AFG2A: variants seen among roughly 807,000 people sequenced by gnomAD.
AFG2A encodes the protein ATPase family gene 2 protein homolog A.
the AFG2A span, among the ~76,000 whole-genome samples, chr4:123,085,898 G>C: frequency 2.6e-5 from 4 of 151,690 alleles, no homozygotes; most frequent in South Asian, 8.3e-4. Context: ...GTTACCCTAA[G>C]TTTTGCAATA....
At chr4:123,310,598 A>G in the AFG2A span, among the ~76,000 whole-genome samples, 1 of 152,156 alleles carries the variant, frequency 6.6e-6, no homozygotes, top group Non-Finnish European at 1.5e-5. Flanking sequence ...TTTACCTTAC[A>G]TGCATCCACT....
chr4:123,316,631 C>T, the AFG2A span: 2 of 152,130 alleles, frequency 1.3e-5, no homozygotes, highest in African/African-American at 4.8e-5. Flanking sequence ...TGAAAGAAAT[C>T]TCATTCCCAA....
chr4:123,207,061 A>G, the AFG2A span, among the ~76,000 whole-genome samples: 1 of 152,276 alleles, frequency 6.6e-6, no homozygotes, highest in South Asian at 2.1e-4. Flanking sequence ...GAAGCAATGA[A>G]TCTTTTAATT....
chr4:123,236,685 G>A, the AFG2A span, among the ~76,000 whole-genome samples: 1,498 of 152,236 alleles, frequency 9.8e-3, 23 homozygotes, highest in African/African-American at 0.034. Context: ...GACTGTCCAC[G>A]TTCACCTATG....
chr4:123,035,093 C>T, the AFG2A span, among the ~76,000 whole-genome samples: 1,641 of 152,314 alleles, frequency 0.011, 13 homozygotes, highest in Middle Eastern at 0.072. Flanking sequence ...TTGCCTGTTT[C>T]ACTGCACTTC....
the AFG2A span, among the ~76,000 whole-genome samples, chr4:123,049,823 G>A: frequency 0.012 from 1,840 of 151,650 alleles, 42 homozygotes; most frequent in African/African-American, 0.041. Context: ...ATTTATTTCT[G>A]CTCTTTATTA....
At chr4:123,062,933 A>G in the AFG2A span, among the ~76,000 whole-genome samples, 1 of 152,328 alleles carries the variant, frequency 6.6e-6, no homozygotes, top group East Asian at 1.9e-4. Context: ...CATTCAAGGA[A>G]ATAGAGTGCT....
chr4:122,927,367 TAGAGACTCAGAAAA>T, the AFG2A span, among the ~76,000 whole-genome samples: 1 of 152,128 alleles, frequency 6.6e-6, no homozygotes, highest in African/African-American at 2.4e-5. Flanking sequence ...TTAATGAAAT[TAGAGACTCAGAAAA>T]AAAGAAACCA....
At chr4:122,939,103 G>C in the AFG2A span, among the ~76,000 whole-genome samples, 2 of 57,564 alleles carry the variant, frequency 3.5e-5, no homozygotes, top group Non-Finnish European at 6.8e-5. Flanking sequence ...TTTTTTTTTG[G>C]AGACAGAGTT....
At chr4:123,031,146 T>C in the AFG2A span, among the ~76,000 whole-genome samples, 1 of 152,156 alleles carries the variant, frequency 6.6e-6, no homozygotes, top group African/African-American at 2.4e-5. Flanking sequence ...AGTTGGGAAT[T>C]CATACTCTGT....
chr4:123,128,961 G>T, the AFG2A span, among the ~76,000 whole-genome samples: 1 of 152,110 alleles, frequency 6.6e-6, no homozygotes, highest in Non-Finnish European at 1.5e-5. Flanking sequence ...CTTTAGAAAA[G>T]TATTATATGC....
chr4:123,150,337 C>G, the AFG2A span, among the ~76,000 whole-genome samples: 1 of 152,196 alleles, frequency 6.6e-6, no homozygotes, highest in African/African-American at 2.4e-5. Flanking sequence ...GTCAAATTGT[C>G]TCTGTTTGCA....
chr4:123,167,493 G>GC, the AFG2A span, among the ~76,000 whole-genome samples: 1 of 151,808 alleles, frequency 6.6e-6, no homozygotes, highest in Admixed American at 6.6e-5. Flanking sequence ...GAGTACAGGC[G>GC]CCCGCCACCA....
chr4:123,033,570 T>A, the AFG2A span, among the ~76,000 whole-genome samples: 2 of 152,116 alleles, frequency 1.3e-5, no homozygotes, highest in Admixed American at 1.3e-4. Context: ...GAAAGGGCAA[T>A]CACAGCCAAA....
At chr4:123,140,510 T>C in the AFG2A span, among the ~76,000 whole-genome samples, 1 of 150,542 alleles carries the variant, frequency 6.6e-6, no homozygotes, top group African/African-American at 2.4e-5. Flanking sequence ...TTTTTTTTTT[T>C]AAAAAAGCGA....
chr4:123,256,254 C>T, the AFG2A span: 2 of 1,544,686 alleles, frequency 1.3e-6, no homozygotes, highest in Non-Finnish European at 1.8e-6. Flanking sequence ...AAATAAATTG[C>T]TTGCCCTGAG....
At chr4:123,179,100 G>A in the AFG2A span, among the ~76,000 whole-genome samples, 1 of 152,202 alleles carries the variant, frequency 6.6e-6, no homozygotes, top group Non-Finnish European at 1.5e-5. Flanking sequence ...GGGTTATAGA[G>A]CATAGTAAGA....
At chr4:123,206,020 C>T in the AFG2A span, among the ~76,000 whole-genome samples, 84,337 of 151,902 alleles carry the variant, frequency 0.56, 26,572 homozygotes, top group Non-Finnish European at 0.69. Context: ...AGTGAAATAT[C>T]TTTAAAGTAA....
chr4:123,004,585 C>G, the AFG2A span, among the ~76,000 whole-genome samples: 2 of 152,222 alleles, frequency 1.3e-5, no homozygotes, highest in Non-Finnish European at 2.9e-5. Context: ...ATGAACTCCA[C>G]TGGAATGTAG....
Sources: gnomAD v4.1 joint callset for allele counts (sites outside exome capture counted in the v4.1 genomes callset) on GRCh38, gnomAD v4.1.1 for gene constraint, MANE v1.5 for transcripts, NCBI Gene and HGNC (gene_info 2026-07-23, HGNC 2026-07-21) for gene names.